TH: variants seen among roughly 807,000 people sequenced by gnomAD.
TH encodes tyrosine hydroxylase.
In TH, 49 loss-of-function variants were observed where a neutral mutation model predicts 57.4. The observed-to-expected ratio is 0.85, with a 90% CI of 0.68 to 1.08. The LOEUF (loss-of-function observed/expected upper bound fraction) is 1.08. Among genes scored for constraint, TH ranks in the 50% least tolerant of loss-of-function variants. TH has a pLI of 0.00. For missense variants in TH, 720 were observed against 696.7 expected (o/e 1.03, Z -0.38); for synonymous variants, 330 against 304.5 (o/e 1.08, Z -0.87).
chr11:2,168,045 G>A, intron 4 of TH, 46 bp downstream of exon 4: 1 of 1,611,012 alleles, frequency 6.2e-7, no homozygotes, highest in South Asian at 1.1e-5. Context: ...AAGGGTAGGG[G>A]ATGTGATCAG....
chr11:2,168,986 G>C (rs1846180455), intron 2 of TH, among the ~76,000 whole-genome samples: 1 of 152,216 alleles, frequency 6.6e-6, no homozygotes, highest in Non-Finnish European at 1.5e-5. Context: ...TCAGCCACTG[G>C]TCAGAAGGTG....
rs1846112969 is a variant in TH, at chr11:2,166,971, C to T, written c.757G>A (p.Glu253Lys). The change falls in exon 7 of 13, where the codon GAG becomes AAG. Residue 253 changes from glutamate (E) to lysine (K), a missense_variant. Coordinates refer to ENST00000352909, the MANE Select transcript of TH (RefSeq NM_000360.4). Reference protein sequence around the residue: ...YATHACGEHLEAFALLERFSG... With the variant: ...YATHACGEHLKAFALLERFSG... The stretch of plus-strand genomic sequence containing the variant: ...AAGCGCTCCAGCAAAGCAAAGGCCT[C>T]CAGGTGCTCCCCGCAGGCGTGCGTG... The T allele has an allele frequency of 3.1e-6, 5 of 1,593,908 alleles. No homozygotes were observed. In the African/African-American group the frequency reaches 5.3e-5, roughly 17 times the overall value.
rs1846250221 is a variant in TH, at chr11:2,171,279, GACTA to G, written c.90+414_90+417del. On this transcript the variant is annotated intron_variant, in intron 1 of 12. Transcript: ENST00000352909. The surrounding 1 kb of genome is among the most constrained non-coding windows in gnomAD (Gnocchi z 8.6). ...AAGCAGGCAGGCTGGTTGGGGTGCT[GACTA>G]GGGCAGCTGGGGCAGAGGGAGGCAG... Among the ~76,000 whole-genome samples, 2 of 152,044 alleles carry G rather than the reference GACTA, an allele frequency of 1.3e-5. No individual in the cohort carries two copies. Among genetic ancestry groups the G allele is most frequent in the African/African-American group, 4.8e-5 (2 of 41,396 alleles).
Position 2,170,401 on chromosome 11 carries a change from C to T in TH, c.91-530G>A, listed in dbSNP as rs867799512. 6.6e-6 allele frequency among the ~76,000 whole-genome samples: 1 copy of T among 152,140 alleles called. No individual in the cohort carries two copies. Among genetic ancestry groups the T allele is most frequent in the African/African-American group, 2.4e-5 (1 of 41,424 alleles). The stretch of plus-strand genomic sequence containing the variant: ...CGGGCCCTGCCCCTCTGTGCCACCC[C>T]GCAGGCGCCCGCTCCTGGCTGCCTT... On this transcript the variant is annotated intron_variant, in intron 1 of 12. Transcript: ENST00000352909. The surrounding 1 kb of genome is among the most constrained non-coding windows in gnomAD (Gnocchi z 6.0).
At chr11:2,167,081 G>T in intron 6 of TH, 49 bp from the exon 7 acceptor site, 1 of 1,550,192 alleles carries the variant, frequency 6.5e-7, no homozygotes. Flanking sequence ...CCCAGTGCCC[G>T]AAACCCCCCT....
At chr11:2,165,093 G>T in intron 12 of TH, 139 bp downstream of exon 12, 1 of 1,279,968 alleles carries the variant, frequency 7.8e-7, no homozygotes, top group Non-Finnish European at 1.1e-6. Context: ...CTGCTGTGTG[G>T]GGGCTGCTGC....
intron 2 of TH, among the ~76,000 whole-genome samples, chr11:2,168,935 C>T (rs113792175): frequency 5.3e-5 from 8 of 152,184 alleles, no homozygotes; most frequent in Non-Finnish European, 1.0e-4. Flanking sequence ...CTGGGCGGCT[C>T]GGTGTGTGTG....
At chr11:2,165,138 C>A (rs997337730) in intron 12 of TH, 94 bp downstream of exon 12, 25 of 1,589,228 alleles carry the variant, frequency 1.6e-5, no homozygotes, top group Non-Finnish European at 2.1e-5. Context: ...GTGACCTGGG[C>A]TCACAGGTCC....
chr11:2,165,719 C>T lies in TH; in HGVS notation c.1149G>A (p.Gly383=), dbSNP rs758398302. 2 of 1,612,826 alleles carry T rather than the reference C, an allele frequency of 1.2e-6. No individual in the cohort carries two copies. Among genetic ancestry groups the T allele is most frequent in the Admixed American group, 1.7e-5 (1 of 60,020 alleles). Residue 383 remains glycine (G), a synonymous_variant, in exon 11 of 13, where the codon GGG becomes GGA. Coordinates refer to ENST00000352909, the MANE Select transcript of TH (RefSeq NM_000360.4). ...TVEFGLCKQN[G]EVKAYGAGLL... ...GCCCGGCACCATAGGCCTTCACCTCCCCGTTCTGCTTACACAGCCCGAACT... is the reference window on the plus strand; with the variant it reads ...GCCCGGCACCATAGGCCTTCACCTCTCCGTTCTGCTTACACAGCCCGAACT...
Position 2,169,958 on chromosome 11 carries a change from C to T in TH, c.91-87G>A, listed in dbSNP as rs111731725. 639 of 1,339,878 alleles carry T rather than the reference C, an allele frequency of 4.8e-4. 3 individuals carry two copies. In the Middle Eastern group the frequency reaches 6.6e-3, roughly 14 times the overall value. 83.0% of individuals were successfully genotyped at this position (1,339,878 alleles called of 1,614,324 possible). On this transcript the variant is annotated intron_variant, in intron 1 of 12. Coordinates refer to ENST00000352909, the MANE Select transcript of TH (RefSeq NM_000360.4). ...CAGCTGGTCCCACAGTCGGGCAGCGCTGATGGCACACAGAGGCAGGGGATG... is the reference window on the plus strand; with the variant it reads ...CAGCTGGTCCCACAGTCGGGCAGCGTTGATGGCACACAGAGGCAGGGGATG...
rs753181549 is a variant in TH, at chr11:2,165,281, A to G, written c.1285T>C (p.Ser429Pro). The change falls in exon 12 of 13, where the codon TCA becomes CCA. Residue 429 changes from serine to proline, a missense_variant. Transcript: ENST00000352909. ...AAGCTCTCAGACACGAAGTAGACTG[A>G]CTGGTACGTCTGGTCTTGGTAGGGC... ...VQPYQDQTYQ[S>P]VYFVSESFSD... is the part of the protein sequence containing the mutation. 38 of 1,612,850 alleles carry G rather than the reference A, an allele frequency of 2.4e-5. 1 individual carries two copies. The South Asian group carries it at 4.2e-4, about 18-fold the overall frequency.
intron 6 of TH, 80 bp downstream of exon 6, chr11:2,167,355 G>A (rs1229925800): frequency 6.8e-7 from 1 of 1,470,914 alleles, no homozygotes; most frequent in Non-Finnish European, 9.3e-7. Context: ...CAAGGTCCCT[G>A]GAGGCGGCCC....
chr11:2,165,695 C>T lies in TH; in HGVS notation c.1173G>A (p.Gly391=). The part of the protein sequence containing the change: ...QNGEVKAYGA[G]LLSSYGELLH... ...GGAGCTCCCCGTAGGAGGACAGCAG[C>T]CCGGCACCATAGGCCTTCACCTCCC... Residue 391 remains glycine (G), a synonymous_variant, in exon 11 of 13, where the codon GGG becomes GGA. Transcript: ENST00000352909. 6.2e-7 allele frequency: 1 copy of T among 1,612,804 alleles called. No homozygotes were observed. The highest frequency in any genetic ancestry group is 8.5e-7 in the Non-Finnish European group (1 of 1,179,972).
rs367874223 is a variant in TH, at chr11:2,165,337, C to G, written c.1229G>C (p.Arg410Pro). 6.2e-7 allele frequency: 1 copy of G among 1,611,874 alleles called. No homozygotes were observed. Among genetic ancestry groups the G allele is most frequent in the Non-Finnish European group, 8.5e-7 (1 of 1,179,986 alleles). The change falls in exon 12 of 13, where the codon CGG becomes CCG. Residue 410 changes from arginine to proline, a missense_variant. Physicochemically the swap from Arg to Pro is moderately radical, Grantham distance 103. Transcript: ENST00000352909. ...LHCLSEEPEI[R>P]AFDPEAAAVQ... ...GGCCGCAGCCTCAGGGTCGAAGGCC[C>G]GAATCTCAGGCTCCTCAGACAGGCA... is the stretch of plus-strand genomic sequence containing the variant.
Position 2,167,467 on chromosome 11 carries a change from A to G in TH, c.663T>C (p.Arg221=). The change falls in exon 6 of 13, where the codon CGT becomes CGC. Residue 221 remains arginine, a synonymous_variant. Transcript: ENST00000352909. ...FQYRHGDPIP[R]VEYTAEEIAT... ...CAATCTCCTCGGCGGTGTACTCCACACGGGGAATCGGGTCGCCGCTGGGGA... is the reference window on the plus strand; with the variant it reads ...CAATCTCCTCGGCGGTGTACTCCACGCGGGGAATCGGGTCGCCGCTGGGGA... 6.4e-7 allele frequency: 1 copy of G among 1,563,562 alleles called. No homozygotes were observed. Among genetic ancestry groups the G allele is most frequent in the Non-Finnish European group, 8.7e-7 (1 of 1,153,982 alleles).
chr11:2,168,040 T>C, intron 4 of TH, 51 bp downstream of exon 4: 1 of 1,609,538 alleles, frequency 6.2e-7, no homozygotes, highest in Non-Finnish European at 8.5e-7. Flanking sequence ...GGGCTAAGGG[T>C]AGGGGATGTG....
At chr11:2,169,571 T>G in intron 2 of TH, 79 bp downstream of exon 2, 1 of 1,421,928 alleles carries the variant, frequency 7.0e-7, no homozygotes, top group Non-Finnish European at 9.9e-7. Context: ...ACCTCTGCTA[T>G]AGAGGGGTCA....
Position 2,170,678 on chromosome 11 carries a change from C to T in TH, c.91-807G>A. 1.3e-6 allele frequency: 2 copies of T among 1,598,376 alleles called. No homozygotes were observed. Among genetic ancestry groups the T allele is most frequent in the Non-Finnish European group, 8.5e-7 (1 of 1,172,710 alleles). On this transcript the variant is annotated intron_variant, in intron 1 of 12. Coordinates refer to ENST00000352909, the MANE Select transcript of TH (RefSeq NM_000360.4). The surrounding 1 kb of genome is among the most constrained non-coding windows in gnomAD (Gnocchi z 6.0). ...GCAGCAGAAGCCCCTCCCAGAGTCCCCTCTTACTTACCCTTGGGGTGGGGG... is the reference window on the plus strand; with the variant it reads ...GCAGCAGAAGCCCCTCCCAGAGTCCTCTCTTACTTACCCTTGGGGTGGGGG...
chr11:2,169,747 G>A lies in TH; in HGVS notation c.215C>T (p.Ala72Val), dbSNP rs1846201416. 1 of 1,612,726 alleles carries A rather than the reference G, an allele frequency of 6.2e-7. No individual in the cohort carries two copies. Among genetic ancestry groups the A allele is most frequent in the Non-Finnish European group, 8.5e-7 (1 of 1,179,866 alleles). ...SEPGDPLEAV[A>V]FEEKEGKAVL... is the part of the protein sequence containing the mutation. ...GGCCTTCCCCTCCTTCTCCTCAAAG[G>A]CCACAGCCTCCAGGGGGTCCCCGGG... The change falls in exon 2 of 13, where the codon GCC becomes GTC. Residue 72 changes from alanine to valine, a missense_variant. Physicochemically the swap from Ala to Val is moderately conservative, Grantham distance 64. Coordinates refer to ENST00000352909, the MANE Select transcript of TH (RefSeq NM_000360.4).
Sources: gnomAD v4.1 joint callset for allele counts (sites outside exome capture counted in the v4.1 genomes callset) on GRCh38, gnomAD v4.1.1 for gene constraint, Gnocchi (gnomAD v3.1) non-coding constraint, MANE v1.5 for transcripts, NCBI Gene and HGNC (gene_info 2026-07-23, HGNC 2026-07-21) for gene names.